CTNND2: variants seen among roughly 807,000 people sequenced by gnomAD.
CTNND2 encodes the protein catenin delta 2, also known as catenin delta-2.
In CTNND2, 22 loss-of-function variants were observed where a neutral mutation model predicts 144.4. The observed-to-expected ratio is 0.15, with a 90% CI of 0.11 to 0.22. The LOEUF (loss-of-function observed/expected upper bound fraction) is 0.22, where lower values mean the gene tolerates loss of function less well. Ranked by LOEUF, CTNND2 falls within the 10% of genes least tolerant of loss-of-function variation. CTNND2 has a pLI of 1.00. For missense variants in CTNND2, 1,353 were observed against 1,618.8 expected (o/e 0.84, Z 2.82); for synonymous variants, 751 against 695.6 (o/e 1.08, Z -1.25).
intron 1 of CTNND2, among the ~76,000 whole-genome samples, chr5:11,863,873 C>G (rs1795615219): frequency 6.6e-6 from 1 of 152,190 alleles, no homozygotes; most frequent in Non-Finnish European, 1.5e-5. Flanking sequence ...TCAACGTTCT[C>G]TACAAAATAG....
At chr5:11,349,608 G>A (rs956879158) in intron 8 of CTNND2, among the ~76,000 whole-genome samples, 1 of 152,164 alleles carries the variant, frequency 6.6e-6, no homozygotes, top group Non-Finnish European at 1.5e-5. Flanking sequence ...TAGAAAAACG[G>A]TGAGGCCTGA....
intron 2 of CTNND2, among the ~76,000 whole-genome samples, chr5:11,630,615 T>C (rs1407953360): frequency 1.3e-5 from 2 of 152,192 alleles, no homozygotes; most frequent in African/African-American, 2.4e-5. Context: ...CTTTTTCCTT[T>C]ATTGATATTG....
At chr5:11,838,616 G>A (rs762552637) in intron 1 of CTNND2, among the ~76,000 whole-genome samples, 14 of 152,160 alleles carry the variant, frequency 9.2e-5, no homozygotes, top group Non-Finnish European at 2.1e-4. Flanking sequence ...TGAAGGTCAG[G>A]CCCTGCATCA....
At chr5:11,303,843 G>A (rs1258683843) in intron 9 of CTNND2, among the ~76,000 whole-genome samples, 1 of 152,156 alleles carries the variant, frequency 6.6e-6, no homozygotes, top group East Asian at 1.9e-4. Context: ...ATCTTGAATT[G>A]TAGCTCCCAT....
intron 21 of CTNND2, among the ~76,000 whole-genome samples, chr5:10,976,022 T>A (rs561535420): frequency 3.3e-5 from 5 of 152,246 alleles, no homozygotes; most frequent in Middle Eastern, 3.4e-3. Flanking sequence ...ACCAATCACT[T>A]CTGAGGTTTG....
chr5:11,025,641 T>A (rs987377592), intron 16 of CTNND2, among the ~76,000 whole-genome samples: 2 of 152,212 alleles, frequency 1.3e-5, no homozygotes, highest in Non-Finnish European at 2.9e-5. Flanking sequence ...GAAGGAAGGT[T>A]TCAGAATAGT....
chr5:11,546,736 T>C (rs1388269121), intron 3 of CTNND2, among the ~76,000 whole-genome samples: 1 of 152,144 alleles, frequency 6.6e-6, no homozygotes, highest in Non-Finnish European at 1.5e-5. Context: ...TGAGAAGAAT[T>C]AAATGGACAT....
At chr5:11,089,497 T>C (rs920091987) in intron 15 of CTNND2, among the ~76,000 whole-genome samples, 2 of 152,378 alleles carry the variant, frequency 1.3e-5, no homozygotes, top group Admixed American at 1.3e-4. Context: ...TATTCATCTA[T>C]TTATCTCAAT....
intron 3 of CTNND2, among the ~76,000 whole-genome samples, chr5:11,475,764 A>G (rs1229737945): frequency 6.6e-6 from 1 of 152,200 alleles, no homozygotes; most frequent in Non-Finnish European, 1.5e-5. Context: ...CTATATTCAC[A>G]TAAAGAAATG....
chr5:11,017,367 C>A (rs1741723391), intron 18 of CTNND2, among the ~76,000 whole-genome samples: 1 of 151,824 alleles, frequency 6.6e-6, no homozygotes, highest in Non-Finnish European at 1.5e-5. Flanking sequence ...AAATGCCGAG[C>A]ATCTTGGTGA....
chr5:11,872,431 T>G (rs1343350434), intron 1 of CTNND2, among the ~76,000 whole-genome samples: 3 of 152,216 alleles, frequency 2.0e-5, no homozygotes, highest in Non-Finnish European at 4.4e-5. Flanking sequence ...ATGGTATTTC[T>G]GCTTCTAGAT....
chr5:11,750,883 T>C (rs1045223356), intron 1 of CTNND2, among the ~76,000 whole-genome samples: 1 of 151,884 alleles, frequency 6.6e-6, no homozygotes, highest in Admixed American at 6.6e-5. Flanking sequence ...TAATAATTGA[T>C]AAATGAACTA....
intron 3 of CTNND2, among the ~76,000 whole-genome samples, chr5:11,509,209 C>A (rs1028857619): frequency 1.3e-5 from 2 of 152,158 alleles, no homozygotes; most frequent in African/African-American, 4.8e-5. Context: ...AGCATTCTTG[C>A]AGTTCCCCTA....
chr5:11,312,093 TACAC>T (rs1751009658), intron 9 of CTNND2, among the ~76,000 whole-genome samples: 1 of 130,332 alleles, frequency 7.7e-6, no homozygotes, highest in Admixed American at 7.8e-5. Context: ...ACACTCCCCA[TACAC>T]ACACCCCACA....
At chr5:11,107,966 C>T (rs1752586178) in intron 14 of CTNND2, among the ~76,000 whole-genome samples, 1 of 152,222 alleles carries the variant, frequency 6.6e-6, no homozygotes, top group South Asian at 2.1e-4. Flanking sequence ...CTAGAAGTCA[C>T]AGACCGAAAT....
chr5:11,430,414 GACTTGATT>G (rs373585977), intron 3 of CTNND2, among the ~76,000 whole-genome samples: 2,594 of 131,946 alleles, frequency 0.02, 94 homozygotes, highest in African/African-American at 0.082. Context: ...AGGTGAGGAT[GACTTGATT>G]AAAAAAAAAA....
At chr5:11,084,978 C>T (rs966971642) in intron 15 of CTNND2, among the ~76,000 whole-genome samples, 4 of 151,406 alleles carry the variant, frequency 2.6e-5, no homozygotes, top group African/African-American at 7.3e-5. Flanking sequence ...TATGACCTAG[C>T]CTTTCCCTCC....
intron 1 of CTNND2, among the ~76,000 whole-genome samples, chr5:11,780,858 A>C (rs1412460606): frequency 2.0e-5 from 3 of 152,198 alleles, no homozygotes; most frequent in Non-Finnish European, 4.4e-5. Flanking sequence ...GTGACACAAC[A>C]GATGACCCAC....
At chr5:11,491,726 C>T (rs1014050849) in intron 3 of CTNND2, among the ~76,000 whole-genome samples, 5 of 152,192 alleles carry the variant, frequency 3.3e-5, no homozygotes, top group Admixed American at 1.3e-4. Flanking sequence ...GGTTCCTCGT[C>T]GGTGAGTGGG....
Sources: allele counts gnomAD v4.1 joint callset (sites outside exome capture counted in the v4.1 genomes callset), GRCh38; gene constraint gnomAD v4.1.1; transcripts MANE v1.5; gene names NCBI Gene and HGNC (gene_info 2026-07-23, HGNC 2026-07-21).